EPS15L1: variants seen among roughly 807,000 people sequenced by gnomAD.
EPS15L1 encodes the protein epidermal growth factor receptor pathway substrate 15 like 1, also known as epidermal growth factor receptor substrate 15-like 1.
A neutral mutation model predicts 117.1 loss-of-function variants in EPS15L1; 43 were observed. The ratio of observed to expected loss-of-function variants is 0.37; its 90% CI spans 0.29 to 0.47. The LOEUF is 0.47. Among genes scored for constraint, EPS15L1 ranks in the 20% least tolerant of loss-of-function variants. The pLI, the probability that EPS15L1 is intolerant of heterozygous loss-of-function variation, is 0.99. For synonymous variants in EPS15L1, 459 were observed against 470.5 expected (o/e 0.98, Z 0.32); for missense variants, 981 against 1,164.0 (o/e 0.84, Z 2.29).
chr19:16,417,241 G>A (rs1355514145), intron 12 of EPS15L1, among the ~76,000 whole-genome samples: 1 of 151,966 alleles, frequency 6.6e-6, no homozygotes, highest in East Asian at 1.9e-4. Context: ...ACCTGCCTGG[G>A]ACCACACAGC....
In EPS15L1 at chr19:16,425,128, G is replaced by A. The variant is rs2092856902; in HGVS notation, c.747C>T (p.Asn249=). 1 of 1,614,178 alleles carries A rather than the reference G, an allele frequency of 6.2e-7. No homozygotes were observed. Among genetic ancestry groups the A allele is most frequent in the South Asian group, 1.1e-5 (1 of 91,084 alleles). The change falls in exon 9 of 24, where the codon AAC becomes AAT. Residue 249 remains asparagine, a synonymous_variant. Coordinates refer to ENST00000455140, the MANE Select transcript of EPS15L1 (RefSeq NM_001258374.3). ...GCTTGGGGGACAGGCTCCCTGTGCT[G>A]TTGAGGCTGCTGACGCTGCCGTGGG... The part of the protein sequence containing the change: ...TPSHGSVSSL[N]STGSLSPKHS...
intron 23 of EPS15L1, 162 bp downstream of exon 23, chr19:16,361,617 A>C: frequency 1.5e-6 from 2 of 1,322,366 alleles, no homozygotes; most frequent in South Asian, 2.4e-5. Flanking sequence ...TGTTTTTCTT[A>C]CAGAAGTGGC....
Position 16,429,701 on chromosome 19 carries a change from T to C in EPS15L1, c.499-940A>G, listed in dbSNP as rs546915795. Among the ~76,000 whole-genome samples the C allele has an allele frequency of 1.2e-4, 18 of 152,220 alleles. 1 individual carries two copies. Among genetic ancestry groups the C allele is most frequent in the African/African-American group, 4.3e-4 (18 of 41,544 alleles). ...CTCCTCAGCCTGGCAGATGGGGCCCTGTCACCTGGCTGCTGCTGAGCCCCT... is the reference window on the plus strand; with the variant it reads ...CTCCTCAGCCTGGCAGATGGGGCCCCGTCACCTGGCTGCTGCTGAGCCCCT... On this transcript the variant is annotated intron_variant, in intron 7 of 23. Coordinates refer to ENST00000455140, the MANE Select transcript of EPS15L1 (RefSeq NM_001258374.3).
At chr19:16,414,425 G>C (rs143207355) in intron 12 of EPS15L1, among the ~76,000 whole-genome samples, 2,037 of 151,732 alleles carry the variant, frequency 0.013, 43 homozygotes, top group African/African-American at 0.047. Context: ...TTTTGAGACA[G>C]AGTCTCGCTC....
intron 22 of EPS15L1, among the ~76,000 whole-genome samples, chr19:16,375,269 CATGT>C (rs914121051): frequency 4.4e-4 from 67 of 152,354 alleles, no homozygotes; most frequent in African/African-American, 1.5e-3. Context: ...CACCTGTATG[CATGT>C]GTGTTCATGT....
chr19:16,409,809 A>G (rs1458719116), intron 13 of EPS15L1, among the ~76,000 whole-genome samples: 1 of 151,958 alleles, frequency 6.6e-6, no homozygotes, highest in African/African-American at 2.4e-5. Flanking sequence ...GTGGTGGTGC[A>G]CACCTATAAT....
At chr19:16,362,486 G>A (rs1208443841) in intron 22 of EPS15L1, among the ~76,000 whole-genome samples, 1 of 145,018 alleles carries the variant, frequency 6.9e-6, no homozygotes, top group Non-Finnish European at 1.5e-5. Flanking sequence ...TCTGCACACA[G>A]CTCTGCCATG....
intron 12 of EPS15L1, 108 bp from the exon 13 acceptor site, chr19:16,413,953 A>C (rs2092732414): frequency 1.3e-6 from 1 of 784,538 alleles, no homozygotes; most frequent in East Asian, 2.6e-5. Flanking sequence ...GTGTGCTGGC[A>C]GAAGTCTAAG....
At chr19:16,412,337 T>C (rs1199336590) in intron 13 of EPS15L1, among the ~76,000 whole-genome samples, 1 of 151,734 alleles carries the variant, frequency 6.6e-6, no homozygotes, top group East Asian at 1.9e-4. Flanking sequence ...CCATCTCTAC[T>C]AAAATACAAA....
At chr19:16,418,811 G>A (rs926192680) in intron 10 of EPS15L1, among the ~76,000 whole-genome samples, 2 of 152,186 alleles carry the variant, frequency 1.3e-5, no homozygotes, top group Admixed American at 6.5e-5. Context: ...TGAGGACACG[G>A]CAAGCAGGTG....
intron 15 of EPS15L1, among the ~76,000 whole-genome samples, chr19:16,403,233 C>A (rs530695711): frequency 2.2e-4 from 34 of 152,254 alleles, no homozygotes; most frequent in African/African-American, 6.7e-4. Flanking sequence ...AGCCAGCGCC[C>A]CCCCCTGGAC....
chr19:16,386,740 G>A (rs2092424297), intron 19 of EPS15L1, among the ~76,000 whole-genome samples: 1 of 152,210 alleles, frequency 6.6e-6, no homozygotes, highest in Non-Finnish European at 1.5e-5. Context: ...CCAAGTCTCA[G>A]GCTGGCCTCT....
chr19:16,471,981 C>CG, upstream of EPS15L1: 13 of 1,261,864 alleles, frequency 1.0e-5, no homozygotes, highest in East Asian at 3.2e-5. This position sits in a 1 kb window ranked among gnomAD's most constrained non-coding sequence, Gnocchi z 4.8. Flanking sequence ...GCCGGGGGAA[C>CG]GGGGGCGGGG....
chr19:16,377,099 G>T (rs775324266), intron 22 of EPS15L1, 23 bp downstream of exon 22: 1 of 1,578,998 alleles, frequency 6.3e-7, no homozygotes, highest in South Asian at 1.2e-5. Flanking sequence ...GGCGGTGGCT[G>T]CGAGAGAAGA....
chr19:16,434,596 C>G, intron 6 of EPS15L1, 106 bp from the exon 7 acceptor site: 2 of 1,223,704 alleles, frequency 1.6e-6, no homozygotes, highest in Non-Finnish European at 2.3e-6. Context: ...GACCCATCAT[C>G]ACCCTTGGCT....
At chr19:16,361,656 AG>A in intron 23 of EPS15L1, 122 bp downstream of exon 23, 1 of 1,433,784 alleles carries the variant, frequency 7.0e-7, no homozygotes, top group Non-Finnish European at 9.2e-7. Context: ...CGAGGGACAG[AG>A]AGTGTGAGGT....
At chr19:16,413,485 C>T in intron 13 of EPS15L1, 1 of 733,176 alleles carries the variant, frequency 1.4e-6, no homozygotes, top group South Asian at 1.7e-5. Context: ...TTCACCAAGT[C>T]TCCCTATCAG....
At chr19:16,361,502 G>T in intron 23 of EPS15L1, 1 of 953,236 alleles carries the variant, frequency 1.0e-6, no homozygotes, top group South Asian at 3.9e-5. Context: ...ATAATACAAT[G>T]AATCTACCGT....
At position 16,365,209 on chromosome 19, in the gene EPS15L1, G is replaced by T. The variant is rs573001724; in HGVS notation, c.2381-3225C>A. On this transcript the variant is annotated intron_variant, in intron 22 of 23. Transcript: ENST00000455140. The surrounding 1 kb of genome is among the most constrained non-coding windows in gnomAD (Gnocchi z 4.9). The stretch of plus-strand genomic sequence containing the variant: ...CCTGGAAGACGGTGTGGGGCATGGC[G>T]GCCACCCCCCTCAGCCTGTTTCTTA... 1.3e-5 allele frequency among the ~76,000 whole-genome samples: 2 copies of T among 152,206 alleles called. No homozygotes were observed. Among genetic ancestry groups the T allele is most frequent in the African/African-American group, 4.8e-5 (2 of 41,446 alleles).
Sources: gnomAD v4.1 joint callset for allele counts (sites outside exome capture counted in the v4.1 genomes callset) on GRCh38, gnomAD v4.1.1 for gene constraint, Gnocchi (gnomAD v3.1) non-coding constraint, MANE v1.5 for transcripts, NCBI Gene and HGNC (gene_info 2026-07-23, HGNC 2026-07-21) for gene names.